The following EYA1 variants were observed in gnomAD, a reference collection of about 807,000 sequenced individuals.
EYA1 encodes protein phosphatase EYA1.
EYA1 carries 16 observed loss-of-function variants against 82.0 expected under a neutral mutation model. The observed-to-expected ratio is 0.20, with a 90% CI of 0.13 to 0.30. The LOEUF is 0.30. Among genes scored for constraint, EYA1 ranks in the 10% least tolerant of loss-of-function variants. The probability of loss-of-function intolerance (pLI) is 1.00; values close to 1 mark genes in which losing one functional copy is unlikely to be tolerated. For synonymous variants in EYA1, 261 were observed against 264.4 expected (o/e 0.99, Z 0.12); for missense variants, 633 against 730.7 (o/e 0.87, Z 1.54).
At chr8:71,239,847 T>A (rs1812266460) in intron 12 of EYA1, among the ~76,000 whole-genome samples, 1 of 152,192 alleles carries the variant, frequency 6.6e-6, no homozygotes, top group Admixed American at 6.5e-5. Flanking sequence ...ACTTTCTAGG[T>A]GAGTTATATT....
At chr8:71,286,369 T>A (rs1193550610) in intron 9 of EYA1, among the ~76,000 whole-genome samples, 1 of 152,172 alleles carries the variant, frequency 6.6e-6, no homozygotes, top group Non-Finnish European at 1.5e-5. Context: ...ACTCTGTAAC[T>A]CTGGAGTTCA....
At chr8:71,515,633 G>C (rs1281505486) in intron 2 of EYA1, among the ~76,000 whole-genome samples, 1 of 152,016 alleles carries the variant, frequency 6.6e-6, no homozygotes, top group East Asian at 1.9e-4. Flanking sequence ...CTTAACCCAA[G>C]TCTTTTTTTA....
At chr8:71,294,996 G>A (rs1302311297) in intron 9 of EYA1, among the ~76,000 whole-genome samples, 3 of 152,236 alleles carry the variant, frequency 2.0e-5, no homozygotes, top group Middle Eastern at 3.4e-3. Context: ...AGAAAAGATA[G>A]TTTTTCAAAA....
intron 12 of EYA1, among the ~76,000 whole-genome samples, chr8:71,222,816 TCA>T (rs1414046675): frequency 8.5e-5 from 13 of 152,352 alleles, no homozygotes; most frequent in African/African-American, 3.1e-4. Context: ...CTCCTCAATT[TCA>T]CACAGTGTAG....
intron 2 of EYA1, among the ~76,000 whole-genome samples, chr8:71,401,875 T>A (rs1180989793): frequency 6.6e-6 from 1 of 152,204 alleles, no homozygotes; most frequent in Non-Finnish European, 1.5e-5. Flanking sequence ...TGTCTGCTTA[T>A]GATTTTTTCC....
At chr8:71,292,711 A>G (rs904343725) in intron 9 of EYA1, among the ~76,000 whole-genome samples, 1 of 152,048 alleles carries the variant, frequency 6.6e-6, no homozygotes, top group African/African-American at 2.4e-5. Flanking sequence ...CAGTGGTAAT[A>G]AAAACAAAAA....
chr8:71,255,615 A>G (rs1814315067), intron 11 of EYA1, among the ~76,000 whole-genome samples: 1 of 152,202 alleles, frequency 6.6e-6, no homozygotes, highest in Non-Finnish European at 1.5e-5. Flanking sequence ...TCAAAAACCT[A>G]AATGAAAGAC....
chr8:71,507,821 T>C (rs1253510861), intron 2 of EYA1, among the ~76,000 whole-genome samples: 4 of 152,228 alleles, frequency 2.6e-5, no homozygotes, highest in Non-Finnish European at 5.9e-5. Flanking sequence ...TTGGACATTC[T>C]AGGGAGTAAG....
chr8:71,201,443 T>C (rs1807001310), intron 17 of EYA1, among the ~76,000 whole-genome samples: 1 of 152,058 alleles, frequency 6.6e-6, no homozygotes, highest in African/African-American at 2.4e-5. Context: ...TCTCTCTCTC[T>C]CTGCCCCCGT....
At chr8:71,430,787 A>G (rs948389197) in intron 2 of EYA1, among the ~76,000 whole-genome samples, 1 of 152,136 alleles carries the variant, frequency 6.6e-6, no homozygotes, top group African/African-American at 2.4e-5. Flanking sequence ...TTTATGGTGC[A>G]AAGTCAAAAG....
chr8:71,226,902 A>G (rs1433539617), intron 12 of EYA1, among the ~76,000 whole-genome samples: 1 of 152,000 alleles, frequency 6.6e-6, no homozygotes, highest in African/African-American at 2.4e-5. Context: ...GTCCAAATGC[A>G]CAGCTTTATT....
intron 2 of EYA1, among the ~76,000 whole-genome samples, chr8:71,455,346 C>A (rs1586751450): frequency 6.6e-6 from 1 of 152,282 alleles, no homozygotes; most frequent in Admixed American, 6.5e-5. Flanking sequence ...GGAGCTGGTA[C>A]CATTCCTTCT....
chr8:71,389,269 T>A (rs1045246033), intron 2 of EYA1, among the ~76,000 whole-genome samples: 1 of 152,198 alleles, frequency 6.6e-6, no homozygotes, highest in Admixed American at 6.6e-5. Context: ...TTATCTTTTT[T>A]AAAGTTTTTG....
At chr8:71,314,036 G>C (rs1245686440) in intron 7 of EYA1, among the ~76,000 whole-genome samples, 1 of 152,002 alleles carries the variant, frequency 6.6e-6, no homozygotes, top group Non-Finnish European at 1.5e-5. Context: ...AATAAAGCTA[G>C]GCAAAAATAT....
At chr8:71,260,560 C>T (rs939744423) in intron 11 of EYA1, among the ~76,000 whole-genome samples, 4 of 152,126 alleles carry the variant, frequency 2.6e-5, no homozygotes, top group Non-Finnish European at 4.4e-5. Context: ...TAAAAAAGTG[C>T]TATTTAAATA....
At chr8:71,288,422 T>C (rs12542319) in intron 9 of EYA1, among the ~76,000 whole-genome samples, 46,983 of 152,052 alleles carry the variant, frequency 0.31, 7,440 homozygotes, top group African/African-American at 0.38. Flanking sequence ...GACACTCTAG[T>C]GTCCCATTCA....
chr8:71,291,411 C>T (rs1818982005), intron 9 of EYA1, among the ~76,000 whole-genome samples: 1 of 152,138 alleles, frequency 6.6e-6, no homozygotes, highest in African/African-American at 2.4e-5. Flanking sequence ...ACTTGAAATT[C>T]AATATCGGCA....
intron 11 of EYA1, among the ~76,000 whole-genome samples, chr8:71,249,940 C>A (rs977028919): frequency 1.3e-5 from 2 of 152,144 alleles, no homozygotes; most frequent in African/African-American, 4.8e-5. Context: ...CTAGCCACCT[C>A]TTTTTAGCCC....
rs916871749 is a variant in EYA1, at chr8:71,213,714, C to A, written c.1597+1673G>T. On this transcript the variant is annotated intron_variant, in intron 16 of 17. Coordinates refer to ENST00000340726, the MANE Select transcript of EYA1 (RefSeq NM_000503.6). ...GCACCCTGCTGACTGTGTCTTTCTG[C>A]CATTGATTGAAGACCCCACTGGGTC... 2.0e-5 allele frequency among the ~76,000 whole-genome samples: 3 copies of A among 152,210 alleles called. No homozygotes were observed. The East Asian group carries it at 5.8e-4, about 29-fold the overall frequency.
Sources: allele counts gnomAD v4.1 joint callset (sites outside exome capture counted in the v4.1 genomes callset), GRCh38; gene constraint gnomAD v4.1.1; transcripts MANE v1.5; gene names NCBI Gene and HGNC (gene_info 2026-07-23, HGNC 2026-07-21).